The following NMNAT3 variants were observed in gnomAD, a reference collection of about 807,000 sequenced individuals.
NMNAT3 encodes the protein nicotinamide/nicotinic acid mononucleotide adenylyltransferase 3.
A neutral mutation model predicts 24.8 loss-of-function variants in NMNAT3; 21 were observed. That is an observed-to-expected ratio of 0.85 (90% CI 0.60 to 1.22). The LOEUF (loss-of-function observed/expected upper bound fraction) is 1.22, where lower values mean the gene tolerates loss of function less well. Among genes scored for constraint, NMNAT3 ranks in the 50% most tolerant of loss-of-function variants. The pLI is 0.00. For missense variants in NMNAT3, 387 were observed against 436.6 expected (o/e 0.89, Z 1.01); for synonymous variants, 136 against 155.2 (o/e 0.88, Z 0.92).
chr3:139,594,391 G>T (rs2054345315), intron 3 of NMNAT3, among the ~76,000 whole-genome samples: 1 of 152,160 alleles, frequency 6.6e-6, no homozygotes, highest in South Asian at 2.1e-4. Context: ...GTACAAGGAG[G>T]AACTCGTACC....
chr3:139,644,265 A>G (rs2056800942), intron 1 of NMNAT3, among the ~76,000 whole-genome samples: 1 of 152,222 alleles, frequency 6.6e-6, no homozygotes, highest in African/African-American at 2.4e-5. Flanking sequence ...TTTCTAGGGA[A>G]TAGGAAAAAA....
chr3:139,654,226 C>T (rs1254521619), intron 1 of NMNAT3, among the ~76,000 whole-genome samples: 2 of 152,160 alleles, frequency 1.3e-5, no homozygotes, highest in Non-Finnish European at 2.9e-5. Flanking sequence ...AACTTCAAAC[C>T]AGGGGTCTGA....
In NMNAT3 at chr3:139,658,522, T is replaced by C. The variant is rs374240678; in HGVS notation, c.-141+19183A>G. On this transcript the variant is annotated intron_variant, in intron 1 of 6. Coordinates refer to ENST00000643695, the MANE Select transcript of NMNAT3 (RefSeq NM_001320510.2). ...GTATGCAATTTCTTCCCAAACTTTATTGTGAAAGATTTTCAAACATGCAGC... is the reference window on the plus strand; with the variant it reads ...GTATGCAATTTCTTCCCAAACTTTACTGTGAAAGATTTTCAAACATGCAGC... 8.5e-5 allele frequency among the ~76,000 whole-genome samples: 13 copies of C among 152,350 alleles called. No individual in the cohort carries two copies. The East Asian group carries it at 1.5e-3, about 18-fold the overall frequency.
intron 3 of NMNAT3, chr3:139,599,368 G>A: frequency 2.8e-6 from 2 of 702,476 alleles, no homozygotes; most frequent in East Asian, 5.4e-5. Context: ...AGCACAGTCT[G>A]GCCCCTACCA....
intron 3 of NMNAT3, chr3:139,599,456 G>A (rs1387421819): frequency 1.4e-6 from 1 of 697,800 alleles, no homozygotes; most frequent in African/African-American, 1.8e-5. Context: ...CAAAGGCCTT[G>A]AAAGACAAAA....
chr3:139,619,600 C>G (rs2055668707), intron 3 of NMNAT3, among the ~76,000 whole-genome samples: 2 of 152,118 alleles, frequency 1.3e-5, no homozygotes, highest in African/African-American at 2.4e-5. Flanking sequence ...GTAGGTAGAC[C>G]TGTCTGAGAA....
intron 5 of NMNAT3, among the ~76,000 whole-genome samples, chr3:139,575,044 G>T (rs1247036077): frequency 1.3e-5 from 2 of 152,126 alleles, no homozygotes; most frequent in African/African-American, 4.8e-5. Context: ...TATACAGAAA[G>T]AGCCCAATAA....
chr3:139,604,063 T>C (rs1576625354), intron 3 of NMNAT3, among the ~76,000 whole-genome samples: 1 of 152,268 alleles, frequency 6.6e-6, no homozygotes, highest in South Asian at 2.1e-4. Context: ...AGACTTCTGA[T>C]CCAAGGTAGG....
intron 1 of NMNAT3, among the ~76,000 whole-genome samples, chr3:139,653,522 C>T (rs1331861460): frequency 6.6e-6 from 1 of 152,158 alleles, no homozygotes; most frequent in East Asian, 1.9e-4. Context: ...ACTATATTAG[C>T]AAATACAGCC....
chr3:139,637,704 T>C (rs1397573354), intron 2 of NMNAT3: 1 of 152,194 alleles, frequency 6.6e-6, no homozygotes, highest in African/African-American at 2.4e-5. Context: ...TGGGCCTCTG[T>C]TTATGCCATT....
intron 3 of NMNAT3, among the ~76,000 whole-genome samples, chr3:139,601,306 A>T (rs914290541): frequency 6.6e-6 from 1 of 152,170 alleles, no homozygotes; most frequent in African/African-American, 2.4e-5. Flanking sequence ...GCAGAGACAG[A>T]CCTAAGTGTG....
intron 3 of NMNAT3, among the ~76,000 whole-genome samples, chr3:139,593,403 G>A (rs973867637): frequency 3.7e-4 from 56 of 152,174 alleles, no homozygotes; most frequent in Non-Finnish European, 6.5e-4. Context: ...ACAGATCAAC[G>A]AGACAGAAAG....
intron 1 of NMNAT3, among the ~76,000 whole-genome samples, chr3:139,659,330 T>C (rs1375760755): frequency 2.0e-5 from 3 of 152,134 alleles, no homozygotes; most frequent in Non-Finnish European, 4.4e-5. Flanking sequence ...ATGAAGAACA[T>C]AAATAGTGCA....
At chr3:139,580,685 T>G (rs1460450016) in intron 4 of NMNAT3, among the ~76,000 whole-genome samples, 1 of 152,256 alleles carries the variant, frequency 6.6e-6, no homozygotes, top group Non-Finnish European at 1.5e-5. Flanking sequence ...ACTACTGATT[T>G]AATTTCCTTA....
intron 3 of NMNAT3, among the ~76,000 whole-genome samples, chr3:139,591,375 G>A (rs1489198246): frequency 3.9e-5 from 6 of 152,122 alleles, no homozygotes; most frequent in African/African-American, 1.4e-4. Flanking sequence ...ACTGCAAGGC[G>A]GCAACGAGGC....
At chr3:139,614,051 G>A (rs1331561265) in intron 3 of NMNAT3, among the ~76,000 whole-genome samples, 1 of 151,970 alleles carries the variant, frequency 6.6e-6, no homozygotes, top group African/African-American at 2.4e-5. Flanking sequence ...ACGAGTTAAT[G>A]GGTGCAGCAT....
At position 139,621,463 on chromosome 3, in the gene NMNAT3, C is replaced by T. The variant is rs530479677; in HGVS notation, c.109+6153G>A. On this transcript the variant is annotated intron_variant, in intron 3 of 6. Coordinates refer to ENST00000643695, the MANE Select transcript of NMNAT3 (RefSeq NM_001320510.2). ...ATGATCTCGGCTCACTGCAAGCCACCCAGGTTCAACTGATTCTCATGCCTC... is the reference window on the plus strand; with the variant it reads ...ATGATCTCGGCTCACTGCAAGCCACTCAGGTTCAACTGATTCTCATGCCTC... Among the ~76,000 whole-genome samples, 73 of 152,226 alleles carry T rather than the reference C, an allele frequency of 4.8e-4. 2 individuals are homozygous for T. The South Asian group carries it at 0.012, about 26-fold the overall frequency.
At chr3:139,594,105 C>T (rs575652181) in intron 3 of NMNAT3, among the ~76,000 whole-genome samples, 26 of 151,982 alleles carry the variant, frequency 1.7e-4, no homozygotes, top group South Asian at 1.0e-3. Flanking sequence ...ATCAAATAGA[C>T]GCAATAAAAA....
intron 3 of NMNAT3, among the ~76,000 whole-genome samples, chr3:139,600,487 C>T (rs1356198232): frequency 6.6e-6 from 1 of 151,856 alleles, no homozygotes; most frequent in Non-Finnish European, 1.5e-5. Flanking sequence ...TTGTATTTCT[C>T]AGGAGAGACA....
Sources: gnomAD v4.1 joint callset for allele counts (sites outside exome capture counted in the v4.1 genomes callset) on GRCh38, gnomAD v4.1.1 for gene constraint, MANE v1.5 for transcripts, NCBI Gene and HGNC (gene_info 2026-07-23, HGNC 2026-07-21) for gene names.